The following MFHAS1 variants were observed in gnomAD, a reference collection of about 807,000 sequenced individuals.
MFHAS1 encodes malignant fibrous histiocytoma-amplified sequence 1.
Under a neutral mutation model 70.4 loss-of-function variants are expected in MFHAS1, and 50 were observed. That is an observed-to-expected ratio of 0.71 (90% confidence interval 0.57 to 0.90). The LOEUF is 0.90. Ranked by LOEUF, MFHAS1 falls within the 40% of genes least tolerant of loss-of-function variation. MFHAS1 has a pLI of 0.00. For missense variants in MFHAS1, 1,795 were observed against 1,347.6 expected, an observed-to-expected ratio of 1.33 and a Z score of -5.20; for synonymous variants, 952 against 620.0, an observed-to-expected ratio of 1.54 and a Z score of -7.96.
rs115403830 is a variant in MFHAS1 at position 8,834,366 on chromosome 8, C to G, written c.2999-36875G>C. On this transcript the variant is annotated intron_variant, in intron 1 of 2. Transcript: ENST00000276282. Reference sequence around the variant, plus strand: ...CAGTAATGTGCAGTAATGTACTAGGCCTTCACATTTACTCATTACTCATTC... The same window carrying G: ...CAGTAATGTGCAGTAATGTACTAGGGCTTCACATTTACTCATTACTCATTC... Among the ~76,000 whole-genome samples, 800 of 152,188 alleles carry G rather than the reference C, an allele frequency of 5.3e-3. 9 individuals carry two copies. Among genetic ancestry groups the G allele is most frequent in the African/African-American group, 0.019 (780 of 41,496 alleles).
chr8:8,849,503 G>A (rs761306923), intron 1 of MFHAS1, among the ~76,000 whole-genome samples: 1 of 152,200 alleles, frequency 6.6e-6, no homozygotes, highest in Non-Finnish European at 1.5e-5. Flanking sequence ...ACACGTGTGT[G>A]TATTCTGTGT....
intron 2 of MFHAS1, among the ~76,000 whole-genome samples, chr8:8,787,315 C>T (rs778430701): frequency 2.0e-5 from 3 of 152,300 alleles, no homozygotes; most frequent in East Asian, 1.9e-4. Flanking sequence ...CTCCTGACCT[C>T]ATGATCCGCC....
chr8:8,837,096 C>G (rs1203437844), intron 1 of MFHAS1, among the ~76,000 whole-genome samples: 1 of 152,088 alleles, frequency 6.6e-6, no homozygotes, highest in East Asian at 1.9e-4. Context: ...TCAGTGCCCA[C>G]AAATATTTAT....
intron 1 of MFHAS1, among the ~76,000 whole-genome samples, chr8:8,834,380 C>G (rs1807522641): frequency 6.6e-6 from 1 of 152,194 alleles, no homozygotes; most frequent in Admixed American, 6.5e-5. Flanking sequence ...CACATTTACT[C>G]ATTACTCATT....
intron 1 of MFHAS1, among the ~76,000 whole-genome samples, chr8:8,836,377 T>C (rs1396445703): frequency 1.3e-5 from 2 of 152,124 alleles, no homozygotes; most frequent in African/African-American, 4.8e-5. Flanking sequence ...TTCTACTTTA[T>C]TGTTTTGTTT....
chr8:8,840,753 A>G (rs148156517), intron 1 of MFHAS1, among the ~76,000 whole-genome samples: 1 of 152,262 alleles, frequency 6.6e-6, no homozygotes, highest in East Asian at 1.9e-4. Context: ...ACACCTCACT[A>G]CACTTCTAGT....
Position 8,891,042 on chromosome 8 carries a change from G to A in MFHAS1, c.2017C>T (p.Pro673Ser), listed in dbSNP as rs775501184. Residue 673 changes from proline to serine, a missense_variant, in exon 1 of 3, where the codon CCA becomes TCA. Physicochemically the swap from Pro to Ser is moderately conservative, Grantham distance 74. Coordinates refer to ENST00000276282, the MANE Select transcript of MFHAS1 (RefSeq NM_004225.3). This position sits in a 1 kb window ranked among gnomAD's most constrained non-coding sequence, Gnocchi z 5.4. The part of the protein sequence containing the change: ...WQVLEELHFQ[P>S]PQAQRLWLSW... ...AGCCACAGTCGCTGGGCCTGAGGTGGCTGGAAATGCAGTTCCTCCAGCACC... is the reference window on the plus strand; with the variant it reads ...AGCCACAGTCGCTGGGCCTGAGGTGACTGGAAATGCAGTTCCTCCAGCACC... The A allele has an allele frequency of 2.5e-6, 4 of 1,613,624 alleles. No individual in the cohort carries two copies. Among genetic ancestry groups the A allele is most frequent in the East Asian group, 4.5e-5 (2 of 44,856 alleles).
intron 1 of MFHAS1, among the ~76,000 whole-genome samples, chr8:8,861,751 G>A (rs1032801706): frequency 6.6e-6 from 1 of 152,128 alleles, no homozygotes. Context: ...CCATACCACC[G>A]GCCCCAGACC....
In MFHAS1 at chr8:8,878,360, G is replaced by A. The variant is rs768956942; in HGVS notation, c.2998+11701C>T. On this transcript the variant is annotated intron_variant, in intron 1 of 2. Transcript: ENST00000276282. ...TAAATGTCAATTTCTCCTTCTGAAA[G>A]CAAAGACAGTAATAATACCTACTTC... Among the ~76,000 whole-genome samples, 97 of 152,268 alleles carry A rather than the reference G, an allele frequency of 6.4e-4. 1 individual carries two copies. The highest frequency in any genetic ancestry group is 8.7e-4 in the Non-Finnish European group (59 of 68,024).
intron 1 of MFHAS1, among the ~76,000 whole-genome samples, chr8:8,887,528 C>T (rs945648500): frequency 6.7e-6 from 1 of 149,866 alleles, no homozygotes; most frequent in African/African-American, 2.4e-5. Flanking sequence ...AAAATATGTA[C>T]GTTGGTGTAT....
intron 2 of MFHAS1, among the ~76,000 whole-genome samples, chr8:8,796,389 A>G (rs1462229290): frequency 1.3e-5 from 2 of 152,226 alleles, no homozygotes; most frequent in Admixed American, 6.5e-5. Context: ...CTGCAATGAC[A>G]GAGTTAAGAC....
chr8:8,892,740 CCACCGCCGG>C lies in MFHAS1; in HGVS notation c.310_318del (p.Pro104_Val106del). 1.3e-6 allele frequency: 2 copies of C among 1,573,508 alleles called. No individual in the cohort carries two copies. Among genetic ancestry groups the C allele is most frequent in the Non-Finnish European group, 1.7e-6 (2 of 1,162,224 alleles). On this transcript the variant is annotated inframe_deletion, in exon 1 of 3. Coordinates refer to ENST00000276282, the MANE Select transcript of MFHAS1 (RefSeq NM_004225.3). This position sits in a 1 kb window ranked among gnomAD's most constrained non-coding sequence, Gnocchi z 4.7. ...TCGGTGAGGTGGTGGCCGAGCTCGG[CCACCGCCGG>C]GGGCAGCCGGGCGAAGCGGTTCCTG...
chr8:8,886,454 C>G (rs1216101435), intron 1 of MFHAS1, among the ~76,000 whole-genome samples: 1 of 152,148 alleles, frequency 6.6e-6, no homozygotes, highest in Non-Finnish European at 1.5e-5. Flanking sequence ...AGCCCTGAGC[C>G]ACTGCACGCT....
intron 1 of MFHAS1, among the ~76,000 whole-genome samples, chr8:8,807,052 T>C (rs1806316633): frequency 2.0e-5 from 3 of 151,980 alleles, no homozygotes; most frequent in African/African-American, 7.3e-5. Flanking sequence ...TAGAAAATCA[T>C]TCCTCAAAAT....
chr8:8,820,994 C>A (rs1418298416), intron 1 of MFHAS1, among the ~76,000 whole-genome samples: 1 of 152,222 alleles, frequency 6.6e-6, no homozygotes. Context: ...GTCCTTCCTA[C>A]CCCTCTTCCT....
At chr8:8,796,696 A>AAAAAAAAAAAAAAAAAAAAAGGC (rs1156579459) in intron 2 of MFHAS1, among the ~76,000 whole-genome samples, 1 of 97,408 alleles carries the variant, frequency 1.0e-5, no homozygotes, top group African/African-American at 3.4e-5. Flanking sequence ...AACAAAAAAA[A>AAAAAAAAAAAAAAAAAAAAAGGC]AAAAAAAGGC....
chr8:8,845,125 C>T lies in MFHAS1; in HGVS notation c.2998+44936G>A, dbSNP rs115141631. On this transcript the variant is annotated intron_variant, in intron 1 of 2. Transcript: ENST00000276282. ...TTACGAACAGAAATTTAAACTGACCCTCTGTCATTCATATGCAAAGAGGAT... is the reference window on the plus strand; with the variant it reads ...TTACGAACAGAAATTTAAACTGACCTTCTGTCATTCATATGCAAAGAGGAT... Among the ~76,000 whole-genome samples the T allele has an allele frequency of 7.6e-3, 1,161 of 152,296 alleles. 19 individuals are homozygous for T. The highest frequency in any genetic ancestry group is 0.027 in the African/African-American group (1,108 of 41,554).
chr8:8,892,211 T>G lies in MFHAS1; in HGVS notation c.848A>C (p.Asn283Thr). Reference protein sequence around the residue: ...QRLKMLNLSSNLFEEFPAALL... With the variant: ...QRLKMLNLSSTLFEEFPAALL... Reference sequence around the variant, plus strand: ...CGCGGCAGGGAACTCCTCGAAGAGGTTGGAGGAGAGGTTGAGCATTTTGAG... The same window carrying G: ...CGCGGCAGGGAACTCCTCGAAGAGGGTGGAGGAGAGGTTGAGCATTTTGAG... The change falls in exon 1 of 3, where the codon AAC (asparagine) becomes ACC (threonine). Residue 283 changes from asparagine to threonine, a missense_variant. Physicochemically the swap from Asn to Thr is moderately conservative, Grantham distance 65. Coordinates refer to ENST00000276282, the MANE Select transcript of MFHAS1 (RefSeq NM_004225.3). This position sits in a 1 kb window ranked among gnomAD's most constrained non-coding sequence, Gnocchi z 4.7. The G allele has an allele frequency of 2.5e-6, 4 of 1,609,638 alleles. No individual in the cohort carries two copies. The highest frequency in any genetic ancestry group is 3.4e-6 in the Non-Finnish European group (4 of 1,179,800).
chr8:8,838,883 T>G (rs552722316), intron 1 of MFHAS1, among the ~76,000 whole-genome samples: 32 of 152,258 alleles, frequency 2.1e-4, no homozygotes, highest in African/African-American at 7.2e-4. Flanking sequence ...ATTTTCATAT[T>G]TTAAAGGACT....
Sources: allele counts gnomAD v4.1 joint callset (sites outside exome capture counted in the v4.1 genomes callset), GRCh38; gene constraint gnomAD v4.1.1; non-coding constraint Gnocchi (gnomAD v3.1); transcripts MANE v1.5; gene names NCBI Gene and HGNC (gene_info 2026-07-23, HGNC 2026-07-21).